Variants in BTBD9 observed in about 807,000 individuals in gnomAD.
The protein encoded by BTBD9 is BTB domain containing 9, also known as BTB/POZ domain-containing protein 9.
Under a neutral mutation model 64.3 loss-of-function variants are expected in BTBD9, and 49 were observed. The ratio of observed to expected loss-of-function variants is 0.76; its 90% CI spans 0.61 to 0.97. The LOEUF is 0.97. BTBD9 is among the 50% of genes least tolerant of loss of function. The probability of loss-of-function intolerance (pLI) is 0.00; values close to 1 mark genes in which losing one functional copy is unlikely to be tolerated. For missense variants in BTBD9, 598 were observed against 762.1 expected (o/e 0.78, Z 2.53); for synonymous variants, 260 against 274.7 (o/e 0.95, Z 0.53).
intron 6 of BTBD9, among the ~76,000 whole-genome samples, chr6:38,496,843 G>C (rs1771983404): frequency 6.6e-6 from 1 of 152,132 alleles, no homozygotes; most frequent in Non-Finnish European, 1.5e-5. Flanking sequence ...TGACTTACTA[G>C]TGGCAACAGC....
intron 7 of BTBD9, among the ~76,000 whole-genome samples, chr6:38,319,076 C>T (rs1035637343): frequency 6.6e-6 from 1 of 152,170 alleles, no homozygotes; most frequent in East Asian, 1.9e-4. Flanking sequence ...CAGGGTACCA[C>T]TGATGTTCAC....
At chr6:38,198,385 T>C (rs1762339990) in intron 9 of BTBD9, among the ~76,000 whole-genome samples, 1 of 152,066 alleles carries the variant, frequency 6.6e-6, no homozygotes, top group African/African-American at 2.4e-5. Flanking sequence ...GGGAGGAATG[T>C]ACGGTCGCCA....
At chr6:38,580,530 T>C in intron 4 of BTBD9, 93 bp from the exon 5 acceptor site, 1 of 1,054,990 alleles carries the variant, frequency 9.5e-7, no homozygotes, top group Non-Finnish European at 1.4e-6. Context: ...CAGTTTATTC[T>C]AGTATCTGCA....
intron 7 of BTBD9, among the ~76,000 whole-genome samples, chr6:38,302,485 G>GTATGTGTGTGTATATATATATA (rs1384155514): frequency 4.7e-5 from 5 of 106,894 alleles, no homozygotes; most frequent in African/African-American, 1.8e-4. Flanking sequence ...TTGTGTGTAT[G>GTATGTGTGTGTATATATATATA]TATATATATA....
chr6:38,242,997 G>C (rs1170737268), intron 9 of BTBD9, among the ~76,000 whole-genome samples: 5 of 152,126 alleles, frequency 3.3e-5, no homozygotes, highest in African/African-American at 1.2e-4. Flanking sequence ...GTGTTTGGGA[G>C]GAGAAAGATC....
In BTBD9 at chr6:38,173,666, C is replaced by A. The variant is rs1401905520; in HGVS notation, c.*1319G>T. 1 of 152,280 alleles carries A rather than the reference C, an allele frequency of 6.6e-6. No homozygotes were observed. The highest frequency in any genetic ancestry group is 6.5e-5 in the Admixed American group (1 of 15,282). 9.4% of individuals were successfully genotyped at this position (152,280 alleles called of 1,614,324 possible). On this transcript the variant is annotated 3_prime_UTR_variant, in exon 11 of 11. Transcript: ENST00000481247. ...TGAAAGGAAACTCCCACGCCCTCACCCTCCTTTGATCAGGGTTGCAGGTTG... is the reference window on the plus strand; with the variant it reads ...TGAAAGGAAACTCCCACGCCCTCACACTCCTTTGATCAGGGTTGCAGGTTG...
chr6:38,633,621 T>C (rs771244606), intron 1 of BTBD9, among the ~76,000 whole-genome samples: 1 of 152,210 alleles, frequency 6.6e-6, no homozygotes, highest in South Asian at 2.1e-4. Flanking sequence ...TGACATGTTA[T>C]AATTTCTGAA....
At chr6:38,254,177 G>A (rs1764497020) in intron 9 of BTBD9, among the ~76,000 whole-genome samples, 1 of 151,492 alleles carries the variant, frequency 6.6e-6, no homozygotes, top group Admixed American at 6.6e-5. Context: ...GAAAGAAGCT[G>A]CCTCGGTTCC....
intron 6 of BTBD9, among the ~76,000 whole-genome samples, chr6:38,458,028 T>C (rs1266553390): frequency 6.6e-6 from 1 of 152,172 alleles, no homozygotes; most frequent in Non-Finnish European, 1.5e-5. Context: ...CTAAGGAGAC[T>C]GTAGTCCCAG....
intron 4 of BTBD9, chr6:38,588,548 A>G: frequency 1.5e-6 from 1 of 675,464 alleles, no homozygotes; most frequent in Non-Finnish European, 2.3e-6. Context: ...ATCTACACCA[A>G]TTAATGTAGC....
intron 6 of BTBD9, among the ~76,000 whole-genome samples, chr6:38,392,322 TTGGGAAA>T (rs1766455530): frequency 1.3e-5 from 2 of 151,960 alleles, no homozygotes; most frequent in African/African-American, 4.8e-5. Flanking sequence ...CCTTGGTTAG[TTGGGAAA>T]TGATCCAAGA....
intron 6 of BTBD9, among the ~76,000 whole-genome samples, chr6:38,409,857 T>C (rs1291704838): frequency 6.6e-6 from 1 of 151,694 alleles, no homozygotes; most frequent in Non-Finnish European, 1.5e-5. Flanking sequence ...ATAAAATAAA[T>C]AAAATATGTG....
chr6:38,349,163 C>CAAG (rs1425236867), intron 6 of BTBD9, among the ~76,000 whole-genome samples: 1 of 152,162 alleles, frequency 6.6e-6, no homozygotes, highest in East Asian at 1.9e-4. Context: ...GCTGTGATTA[C>CAAG]AGGTGTGAGC....
At chr6:38,374,305 A>ATATATATATATATATATATATATATG (rs1459305916) in intron 6 of BTBD9, among the ~76,000 whole-genome samples, 1 of 66,584 alleles carries the variant, frequency 1.5e-5, no homozygotes. Context: ...ATGTATATAT[A>ATATATATATATATATATATATATATG]TGTATATATA....
chr6:38,451,559 T>A (rs927966544), intron 6 of BTBD9, among the ~76,000 whole-genome samples: 8 of 152,154 alleles, frequency 5.3e-5, no homozygotes, highest in Non-Finnish European at 1.2e-4. Context: ...TGTTTGAAAA[T>A]GGCAAACATT....
chr6:38,549,913 A>T (rs1774722833), intron 6 of BTBD9, among the ~76,000 whole-genome samples: 1 of 152,086 alleles, frequency 6.6e-6, no homozygotes, highest in Admixed American at 6.5e-5. Flanking sequence ...CACCCGACAC[A>T]GTTGATCACT....
chr6:38,428,222 G>A (rs780399810), intron 6 of BTBD9, among the ~76,000 whole-genome samples: 1 of 151,884 alleles, frequency 6.6e-6, no homozygotes, highest in African/African-American at 2.4e-5. Flanking sequence ...AGGGGACTGA[G>A]AAGTTTGAAG....
At chr6:38,578,325 AAACTTGCCAGCTGATAATCTGGCAGT>A (rs1258974003) in intron 5 of BTBD9, among the ~76,000 whole-genome samples, 4 of 152,188 alleles carry the variant, frequency 2.6e-5, no homozygotes, top group Admixed American at 2.6e-4. Context: ...GTACAACTTA[AAACTTGCCAGCTGATAATCTGGCAGT>A]AACGAAAACA....
At chr6:38,254,138 T>C (rs1263557545) in intron 9 of BTBD9, among the ~76,000 whole-genome samples, 1 of 151,378 alleles carries the variant, frequency 6.6e-6, no homozygotes, top group African/African-American at 2.4e-5. Flanking sequence ...TGGCTGATGC[T>C]GAGGAGGACC....
Sources: gnomAD v4.1 joint callset for allele counts (sites outside exome capture counted in the v4.1 genomes callset) on GRCh38, gnomAD v4.1.1 for gene constraint, MANE v1.5 for transcripts, NCBI Gene and HGNC (gene_info 2026-07-23, HGNC 2026-07-21) for gene names.